The following USP32 variants were observed in gnomAD, a reference collection of about 807,000 sequenced individuals.
USP32 encodes the protein ubiquitin carboxyl-terminal hydrolase 32.
USP32 carries 59 observed loss-of-function variants against 204.8 expected under a neutral mutation model. The observed-to-expected ratio is 0.29, with a 90% CI of 0.23 to 0.36. The LOEUF is 0.36. Among genes scored for constraint, USP32 ranks in the 10% least tolerant of loss-of-function variants. The pLI is 1.00. For missense variants in USP32, 1,160 were observed against 1,946.4 expected, an observed-to-expected ratio of 0.60 and a Z score of 7.60; for synonymous variants, 517 against 678.4, an observed-to-expected ratio of 0.76 and a Z score of 3.70.
chr17:60,265,380 GA>G, intron 9 of USP32, 31 bp downstream of exon 9: 1 of 1,480,454 alleles, frequency 6.8e-7, no homozygotes, highest in Non-Finnish European at 9.3e-7. Flanking sequence ...GATATTTTTA[GA>G]AAAAGATAAA....
intron 7 of USP32, among the ~76,000 whole-genome samples, chr17:60,268,169 T>C (rs2086641644): frequency 6.6e-6 from 1 of 152,164 alleles, no homozygotes; most frequent in South Asian, 2.1e-4. Context: ...AGAACACCAG[T>C]GCTTTGCTAT....
At chr17:60,265,689 C>T (rs185969070) in intron 8 of USP32, among the ~76,000 whole-genome samples, 260 of 152,254 alleles carry the variant, frequency 1.7e-3, no homozygotes, top group African/African-American at 4.9e-3. Flanking sequence ...AGAACTACTG[C>T]GCCCGGCCTT....
At chr17:60,349,234 A>G (rs1173267868) in intron 1 of USP32, among the ~76,000 whole-genome samples, 1 of 151,052 alleles carries the variant, frequency 6.6e-6, no homozygotes, top group African/African-American at 2.4e-5. Flanking sequence ...AATCTCCTAT[A>G]GTGTTGGTTA....
At chr17:60,414,641 T>A (rs1407097809) in intron 1 of USP32, among the ~76,000 whole-genome samples, 1 of 151,538 alleles carries the variant, frequency 6.6e-6, no homozygotes, top group African/African-American at 2.4e-5. Flanking sequence ...GTTGGTCAGG[T>A]TGGCCTCGAA....
chr17:60,180,748 G>A (rs2084087719), intron 32 of USP32, 111 bp from the exon 33 acceptor site: 4 of 1,120,246 alleles, frequency 3.6e-6, no homozygotes, highest in Non-Finnish European at 5.1e-6. Flanking sequence ...ATCAGTAGGT[G>A]AAAAAATATT....
intron 11 of USP32, among the ~76,000 whole-genome samples, chr17:60,244,002 C>A (rs946246055): frequency 6.7e-6 from 1 of 148,622 alleles, no homozygotes; most frequent in Non-Finnish European, 1.5e-5. Context: ...CCTATTTGTG[C>A]CTTTGAATCT....
At position 60,214,317 on chromosome 17, in the gene USP32, T is replaced by C. The variant is rs577033641; in HGVS notation, c.2022+303A>G. The stretch of plus-strand genomic sequence containing the variant: ...ATATGTAACAATAATCTTTGAAAGA[T>C]AGTACTGTCCATGGTGATCAATTGC... On this transcript the variant is annotated intron_variant, in intron 17 of 33. Coordinates refer to ENST00000300896, the MANE Select transcript of USP32 (RefSeq NM_032582.4). Among the ~76,000 whole-genome samples, 7 of 152,296 alleles carry C rather than the reference T, an allele frequency of 4.6e-5. No individual in the cohort carries two copies. In the East Asian group the frequency reaches 1.2e-3, roughly 25 times the overall value.
At position 60,222,490 on chromosome 17, in the gene USP32, T is replaced by C. The variant is rs148177663; in HGVS notation, c.1668A>G (p.Gly556=). The change falls in exon 15 of 34, where the codon GGA becomes GGG. Residue 556 remains glycine (G), a synonymous_variant. Coordinates refer to ENST00000300896, the MANE Select transcript of USP32 (RefSeq NM_032582.4). The stretch of plus-strand genomic sequence containing the variant: ...GTTCTGGGACCATTTCATAGTCTCT[T>C]CCATGAATCAGCTGTGGAGTTCGTT... ...RLKRTPQLIH[G]RDYEMVPEPV... is the part of the protein sequence containing the mutation. 399 of 1,614,014 alleles carry C rather than the reference T, an allele frequency of 2.5e-4. No homozygotes were observed. Among genetic ancestry groups the C allele is most frequent in the Non-Finnish European group, 3.2e-4 (382 of 1,180,012 alleles).
intron 16 of USP32, among the ~76,000 whole-genome samples, chr17:60,215,116 C>T (rs1227583282): frequency 3.9e-5 from 6 of 152,152 alleles, no homozygotes; most frequent in East Asian, 1.9e-4. Flanking sequence ...TACAGGTGCA[C>T]GCCACCACAT....
rs529720572 is a variant in USP32, at chr17:60,253,382, ATTG to A, written c.1075-943_1075-941del. Among the ~76,000 whole-genome samples, 12 of 151,986 alleles carry A rather than the reference ATTG, an allele frequency of 7.9e-5. 1 individual carries two copies. The South Asian group carries it at 2.3e-3, about 29-fold the overall frequency. ...AAAAAGTTCGTACACTCAACATGTG[ATTG>A]TTATTTTAAAAAGTAACAATAGTTT... On this transcript the variant is annotated intron_variant, in intron 10 of 33. Coordinates refer to ENST00000300896, the MANE Select transcript of USP32 (RefSeq NM_032582.4).
chr17:60,380,457 G>A (rs1420031665), intron 1 of USP32, among the ~76,000 whole-genome samples: 2 of 152,122 alleles, frequency 1.3e-5, no homozygotes, highest in Non-Finnish European at 2.9e-5. Context: ...AGTCCCAGCT[G>A]CTAGGGAAGC....
At chr17:60,309,940 A>T (rs2087814641) in intron 2 of USP32, among the ~76,000 whole-genome samples, 2 of 152,144 alleles carry the variant, frequency 1.3e-5, no homozygotes, top group African/African-American at 4.8e-5. Context: ...GCTAGTCGGA[A>T]GTCTGAGGCA....
At position 60,264,570 on chromosome 17, in the gene USP32, G is replaced by A. The variant is rs942089018; in HGVS notation, c.990+842C>T. 2.7e-5 allele frequency among the ~76,000 whole-genome samples: 4 copies of A among 148,982 alleles called. No homozygotes were observed. The East Asian group carries it at 8.0e-4, about 30-fold the overall frequency. On this transcript the variant is annotated intron_variant, in intron 9 of 33. Transcript: ENST00000300896. ...AAAGAAATTTCTTGAAAGAATAGATGTACTGGCCAGGCGCAGTGGCTCACG... is the reference window on the plus strand; with the variant it reads ...AAAGAAATTTCTTGAAAGAATAGATATACTGGCCAGGCGCAGTGGCTCACG...
Position 60,345,623 on chromosome 17 carries a change from C to A in USP32, c.59-15G>T. On this transcript the variant is annotated splice_polypyrimidine_tract_variant and intron_variant, in intron 1 of 33. Coordinates refer to ENST00000300896, the MANE Select transcript of USP32 (RefSeq NM_032582.4). The stretch of plus-strand genomic sequence containing the variant: ...TACATCTGTAACTGCAATTCAGAAA[C>A]AGAAGATGGGTAAGAAATCAGGAGA... The A allele has an allele frequency of 6.2e-7, 1 of 1,613,734 alleles. No individual in the cohort carries two copies. Among genetic ancestry groups the A allele is most frequent in the Non-Finnish European group, 8.5e-7 (1 of 1,179,808 alleles).
intron 1 of USP32, among the ~76,000 whole-genome samples, chr17:60,379,113 T>C (rs2089602883): frequency 6.6e-6 from 1 of 152,158 alleles, no homozygotes; most frequent in South Asian, 2.1e-4. Flanking sequence ...TAAGCCATAA[T>C]CCTATTGCAG....
chr17:60,356,765 T>A (rs1379028162), intron 1 of USP32, among the ~76,000 whole-genome samples: 1 of 152,128 alleles, frequency 6.6e-6, no homozygotes, highest in Non-Finnish European at 1.5e-5. Flanking sequence ...TTGCAAAGCA[T>A]TTAAGTAAGA....
chr17:60,380,565 C>T, intron 1 of USP32, among the ~76,000 whole-genome samples: 1 of 152,056 alleles, frequency 6.6e-6, no homozygotes, highest in East Asian at 1.9e-4. Flanking sequence ...AAAGTCATTC[C>T]AGATAAGAGA....
At chr17:60,410,555 CT>C (rs1875964609) in intron 1 of USP32, among the ~76,000 whole-genome samples, 1 of 152,080 alleles carries the variant, frequency 6.6e-6, no homozygotes, top group African/African-American at 2.4e-5. Flanking sequence ...GTAGTCCCAG[CT>C]ACTCAGGAGG....
intron 2 of USP32, among the ~76,000 whole-genome samples, chr17:60,331,327 A>G (rs772562037): frequency 5.9e-5 from 9 of 152,238 alleles, no homozygotes; most frequent in Non-Finnish European, 1.2e-4. Flanking sequence ...GCACTTTGGG[A>G]GGCCAAGGCA....
Sources: allele counts gnomAD v4.1 joint callset (sites outside exome capture counted in the v4.1 genomes callset), GRCh38; gene constraint gnomAD v4.1.1; transcripts MANE v1.5; gene names NCBI Gene and HGNC (gene_info 2026-07-23, HGNC 2026-07-21).